UBA52: variants seen among roughly 807,000 people sequenced by gnomAD.
The protein encoded by UBA52 is ubiquitin-ribosomal protein eL40 fusion protein.
In UBA52, 1 loss-of-function variant was observed where a neutral mutation model predicts 15.3. The observed-to-expected ratio is 0.07, with a 90% CI of 0.02 to 0.31. The LOEUF (loss-of-function observed/expected upper bound fraction) is 0.31, where lower values mean the gene tolerates loss of function less well. Ranked by LOEUF, UBA52 falls within the 10% of genes least tolerant of loss-of-function variation. The pLI is 1.00. For synonymous variants in UBA52, 50 were observed against 58.3 expected (o/e 0.86, Z 0.65); for missense variants, 87 against 168.0 (o/e 0.52, Z 2.66).
upstream of UBA52, among the ~76,000 whole-genome samples, chr19:18,570,107 A>T (rs556625717): frequency 3.9e-5 from 6 of 152,310 alleles, no homozygotes; most frequent in African/African-American, 1.4e-4. Flanking sequence ...CTGGTATAGT[A>T]GTGCCTGCAA....
At chr19:18,570,830 G>A (rs1975454878), upstream of UBA52, among the ~76,000 whole-genome samples, 1 of 151,866 alleles carries the variant, frequency 6.6e-6, no homozygotes, top group South Asian at 2.1e-4. Context: ...TGGGATTACA[G>A]GCATGCGCCA....
At chr19:18,570,660 C>T (rs144275938), upstream of UBA52, among the ~76,000 whole-genome samples, 980 of 151,438 alleles carry the variant, frequency 6.5e-3, 8 homozygotes, top group African/African-American at 0.022. Context: ...TACAGGCACC[C>T]GCCACCACAC....
upstream of UBA52, among the ~76,000 whole-genome samples, chr19:18,566,877 C>T (rs1975266664): frequency 6.6e-6 from 1 of 152,162 alleles, no homozygotes; most frequent in Non-Finnish European, 1.5e-5. Context: ...TGCCTAGGCT[C>T]AGAGCACCCA....
chr19:18,573,196 C>T (rs1014127653), intron 1 of UBA52, 97 bp from the exon 2 acceptor site: 16 of 1,255,444 alleles, frequency 1.3e-5, no homozygotes, highest in Non-Finnish European at 1.7e-5. Flanking sequence ...GGACTTGGTG[C>T]AGGCAAAGGG....
the UBA52 span, chr19:18,564,853 C>T: frequency 4.3e-6 from 7 of 1,613,064 alleles, no homozygotes; most frequent in Admixed American, 3.3e-5. Context: ...AGCTCATGCC[C>T]TCTCTCCACC....
chr19:18,564,807 G>A, the UBA52 span: 2 of 1,590,386 alleles, frequency 1.3e-6, no homozygotes, highest in Non-Finnish European at 1.7e-6. Context: ...CAGTCTTCTG[G>A]GCCAGGTTGG....
Position 18,576,929 on chromosome 19 carries a change from A to G in UBA52, c.*1779A>G, listed in dbSNP as rs1157840676. On this transcript the variant is annotated 3_prime_UTR_variant, in exon 5 of 5. Coordinates refer to ENST00000442744, the MANE Select transcript of UBA52 (RefSeq NM_001033930.3). ...GTGATCTACCTGTCTTGGCCTTCCA[A>G]AGTGCTAGGATTACAAGCGTAAGCC... is the stretch of plus-strand genomic sequence containing the variant. 3 of 149,982 alleles carry G rather than the reference A, an allele frequency of 2.0e-5. No individual in the cohort carries two copies. The highest frequency in any genetic ancestry group is 4.4e-5 in the Non-Finnish European group (3 of 67,798). The allele number at this position is 149,982 out of a possible 1,614,324, so 9.3% of individuals were successfully genotyped here.
rs1035944026 is a variant in UBA52 at position 18,576,898 on chromosome 19, C to T, written c.*1748C>T. 4 of 151,620 alleles carry T rather than the reference C, an allele frequency of 2.6e-5. No individual in the cohort carries two copies. The highest frequency in any genetic ancestry group is 5.9e-5 in the Non-Finnish European group (4 of 67,988). 9.4% of individuals were successfully genotyped at this position (151,620 alleles called of 1,614,324 possible). A position where few individuals can be genotyped will look rare whatever the true frequency, so the allele number is the denominator to read the frequency against. ...GGCCAGGCTGGTCTTGAACTACTGA[C>T]CTCTTGTGATCTACCTGTCTTGGCC... On this transcript the variant is annotated 3_prime_UTR_variant, in exon 5 of 5. Coordinates refer to ENST00000442744, the MANE Select transcript of UBA52 (RefSeq NM_001033930.3).
At chr19:18,564,269 C>G in the UBA52 span, among the ~76,000 whole-genome samples, 3 of 152,116 alleles carry the variant, frequency 2.0e-5, no homozygotes, top group African/African-American at 7.2e-5. Flanking sequence ...CACAGACCCT[C>G]CTGGCCCTAT....
chr19:18,564,227 A>C, the UBA52 span, among the ~76,000 whole-genome samples: 1 of 151,974 alleles, frequency 6.6e-6, no homozygotes, highest in African/African-American at 2.4e-5. Flanking sequence ...TGGCTCTGGG[A>C]AACTTCTAGA....
At chr19:18,568,493 G>A (rs759834304), upstream of UBA52, 35 of 1,613,968 alleles carry the variant, frequency 2.2e-5, no homozygotes, top group Middle Eastern at 1.6e-4. Flanking sequence ...AACAGAGCAC[G>A]GGCTCATGTG....
rs931324207 is a variant in UBA52 at position 18,576,061 on chromosome 19, G to C, written c.*911G>C. The stretch of plus-strand genomic sequence containing the variant: ...ACGCCTGGCCCAGTTACTCAGTTTT[G>C]AATCTGAGGCCGTGACATCACTCAT... On this transcript the variant is annotated 3_prime_UTR_variant, in exon 5 of 5. Coordinates refer to ENST00000442744, the MANE Select transcript of UBA52 (RefSeq NM_001033930.3). 2 of 152,228 alleles carry C rather than the reference G, an allele frequency of 1.3e-5. No individual in the cohort carries two copies. The highest frequency in any genetic ancestry group is 2.4e-5 in the African/African-American group (1 of 41,448). 9.4% of individuals were successfully genotyped at this position (152,228 alleles called of 1,614,324 possible). A position where few individuals can be genotyped will look rare whatever the true frequency, so the allele number is the denominator to read the frequency against.
upstream of UBA52, chr19:18,568,538 C>T (rs1300264315): frequency 6.2e-7 from 1 of 1,614,040 alleles, no homozygotes; most frequent in African/African-American, 1.3e-5. Flanking sequence ...CCTCCCTGAG[C>T]CCCGGCTTCG....
intron 1 of UBA52, chr19:18,572,525 T>A (rs1975547670): frequency 6.6e-6 from 1 of 152,424 alleles, no homozygotes; most frequent in African/African-American, 2.4e-5. Flanking sequence ...AGACGGAGTT[T>A]CACCATGTTA....
rs1287707726 is a variant in UBA52, at chr19:18,575,040, C to T, written c.294-17C>T. 3 of 1,614,124 alleles carry T rather than the reference C, an allele frequency of 1.9e-6. No individual in the cohort carries two copies. Among genetic ancestry groups the T allele is most frequent in the East Asian group, 2.2e-5 (1 of 44,900 alleles). On this transcript the variant is annotated splice_polypyrimidine_tract_variant and intron_variant, in intron 4 of 4. Coordinates refer to ENST00000442744, the MANE Select transcript of UBA52 (RefSeq NM_001033930.3). ...AGTCGGGGTATGCCCTCACCCACCC[C>T]TCCTGTCTCTGTGCAGGTGCTATGC...
At chr19:18,575,031 C>T (rs1434521833) in intron 4 of UBA52, 26 bp from the exon 5 acceptor site, 3 of 1,614,212 alleles carry the variant, frequency 1.9e-6, no homozygotes, top group Admixed American at 3.3e-5. Context: ...GGTATGCCCT[C>T]ACCCACCCCT....
intron 1 of UBA52, chr19:18,573,049 G>T (rs1975584037): frequency 7.6e-7 from 1 of 1,323,050 alleles, no homozygotes; most frequent in Non-Finnish European, 9.8e-7. Context: ...AAGAGCACCC[G>T]TGCGGTCAGG....
At chr19:18,568,330 C>T (rs1255737837), upstream of UBA52, 11 of 1,131,960 alleles carry the variant, frequency 9.7e-6, no homozygotes, top group Non-Finnish European at 1.4e-5. Flanking sequence ...TTAGGGGTCA[C>T]ATGGACAATA....
At chr19:18,568,407 C>T, upstream of UBA52, 1 of 1,613,078 alleles carries the variant, frequency 6.2e-7, no homozygotes, top group Non-Finnish European at 8.5e-7. Flanking sequence ...CCCAGATATC[C>T]CAGAGGCATC....
Sources: allele counts gnomAD v4.1 joint callset (sites outside exome capture counted in the v4.1 genomes callset), GRCh38; gene constraint gnomAD v4.1.1; transcripts MANE v1.5; gene names NCBI Gene and HGNC (gene_info 2026-07-23, HGNC 2026-07-21).